The following MYO3B variants were observed in gnomAD, a reference collection of about 807,000 sequenced individuals.
MYO3B encodes the protein myosin IIIB.
MYO3B carries 156 observed loss-of-function variants against 174.6 expected under a neutral mutation model. The observed-to-expected ratio is 0.89, with a 90% CI of 0.78 to 1.02. The LOEUF is 1.02. Among genes scored for constraint, MYO3B ranks in the 50% least tolerant of loss-of-function variants. The probability of loss-of-function intolerance (pLI) is 0.00; values close to 1 mark genes in which losing one functional copy is unlikely to be tolerated. For missense variants in MYO3B, 1,632 were observed against 1,639.4 expected, an observed-to-expected ratio of 1.00 and a Z score of 0.08; for synonymous variants, 563 against 569.1, an observed-to-expected ratio of 0.99 and a Z score of 0.15.
chr2:170,524,631 G>A (rs1387333484), intron 30 of MYO3B: 17 of 335,466 alleles, frequency 5.1e-5, no homozygotes, highest in Admixed American at 1.2e-4. Flanking sequence ...TTACAGGTGC[G>A]TGCCATAACA....
chr2:170,473,488 C>T (rs2028254), intron 25 of MYO3B, among the ~76,000 whole-genome samples: 133,540 of 152,078 alleles, frequency 0.88, 59,486 homozygotes, highest in Non-Finnish European at 0.96. Context: ...ACTCACACTT[C>T]GATCCTTGCT....
At chr2:170,417,132 T>G (rs1021352392) in intron 22 of MYO3B, among the ~76,000 whole-genome samples, 12 of 152,318 alleles carry the variant, frequency 7.9e-5, no homozygotes, top group East Asian at 5.8e-4. Flanking sequence ...GTCCATCTCT[T>G]TCTTCTGACC....
chr2:170,555,282 T>A (rs573926463), intron 32 of MYO3B, among the ~76,000 whole-genome samples: 1 of 152,296 alleles, frequency 6.6e-6, no homozygotes, highest in Non-Finnish European at 1.5e-5. Flanking sequence ...TACACTATTA[T>A]TATTATTACA....
intron 6 of MYO3B, among the ~76,000 whole-genome samples, chr2:170,234,782 C>T (rs887198057): frequency 2.6e-5 from 4 of 152,170 alleles, no homozygotes; most frequent in Non-Finnish European, 1.5e-5. Context: ...CCTTAGCTCT[C>T]CTTTCTTCTA....
intron 7 of MYO3B, among the ~76,000 whole-genome samples, chr2:170,298,313 T>TG (rs1304622704): frequency 3.3e-5 from 5 of 152,144 alleles, no homozygotes; most frequent in Admixed American, 1.3e-4. Flanking sequence ...TGGTTCTAGC[T>TG]GGCAGGAAGT....
At position 170,444,054 on chromosome 2, in the gene MYO3B, A is replaced by G. The variant is rs1302376929; in HGVS notation, c.2730+8A>G. 1.2e-6 allele frequency: 2 copies of G among 1,610,656 alleles called. No homozygotes were observed. Among genetic ancestry groups the G allele is most frequent in the South Asian group, 1.1e-5 (1 of 90,784 alleles). On this transcript the variant is annotated splice_region_variant and intron_variant, in intron 23 of 34. Transcript: ENST00000408978. ...AGTGCTGGGAAAGCCAAGGTGAGTAACAGATTTGCACCAAATATAGTATGG... is the reference window on the plus strand; with the variant it reads ...AGTGCTGGGAAAGCCAAGGTGAGTAGCAGATTTGCACCAAATATAGTATGG...
At chr2:170,446,370 A>C (rs755647034) in intron 23 of MYO3B, among the ~76,000 whole-genome samples, 1 of 152,076 alleles carries the variant, frequency 6.6e-6, no homozygotes, top group African/African-American at 2.4e-5. Flanking sequence ...CTACTGGACT[A>C]AGGCATATCC....
chr2:170,550,634 AG>A (rs1690816192), intron 32 of MYO3B, among the ~76,000 whole-genome samples: 1 of 152,254 alleles, frequency 6.6e-6, no homozygotes. Context: ...CCACAGGGCC[AG>A]GAAATGAAAT....
intron 32 of MYO3B, among the ~76,000 whole-genome samples, chr2:170,626,085 C>T (rs1412144564): frequency 1.3e-5 from 2 of 152,156 alleles, no homozygotes; most frequent in African/African-American, 4.8e-5. Flanking sequence ...TGGAGCAGAG[C>T]TAAATTCATT....
At chr2:170,251,977 G>T (rs975619778) in intron 7 of MYO3B, among the ~76,000 whole-genome samples, 2 of 152,182 alleles carry the variant, frequency 1.3e-5, no homozygotes, top group African/African-American at 4.8e-5. Flanking sequence ...TTACTCCTAA[G>T]TTCAACTTTG....
chr2:170,562,429 G>A (rs907346445), intron 32 of MYO3B, among the ~76,000 whole-genome samples: 16 of 151,898 alleles, frequency 1.1e-4, no homozygotes, highest in African/African-American at 3.6e-4. Context: ...CTGAAATTTG[G>A]TAGAATTTAG....
At chr2:170,282,714 A>G in intron 7 of MYO3B, among the ~76,000 whole-genome samples, 1 of 152,130 alleles carries the variant, frequency 6.6e-6, no homozygotes. Flanking sequence ...TTTAAACAAT[A>G]TTAATGCTTC....
intron 23 of MYO3B, among the ~76,000 whole-genome samples, chr2:170,450,648 A>C (rs927040654): frequency 1.3e-5 from 2 of 152,146 alleles, no homozygotes; most frequent in Non-Finnish European, 2.9e-5. Context: ...CTTTTTCAAA[A>C]GAGAAAACTA....
intron 7 of MYO3B, among the ~76,000 whole-genome samples, chr2:170,239,072 C>A (rs1360966631): frequency 6.6e-6 from 1 of 152,208 alleles, no homozygotes; most frequent in Non-Finnish European, 1.5e-5. Context: ...CCAAAAAAGT[C>A]ACCCCTCTCT....
chr2:170,400,436 C>T (rs1470645590), intron 17 of MYO3B, 122 bp downstream of exon 17: 1 of 1,203,002 alleles, frequency 8.3e-7, no homozygotes, highest in South Asian at 1.5e-5. Flanking sequence ...GATGGAGTCT[C>T]ACTCTGTCAT....
At chr2:170,554,413 G>C (rs2106235188) in intron 32 of MYO3B, among the ~76,000 whole-genome samples, 1 of 152,330 alleles carries the variant, frequency 6.6e-6, no homozygotes, top group African/African-American at 2.4e-5. Context: ...TCAATAGCAA[G>C]ATTCTGACTC....
chr2:170,406,292 A>C (rs1235963469), intron 21 of MYO3B, among the ~76,000 whole-genome samples: 3 of 152,150 alleles, frequency 2.0e-5, no homozygotes, highest in African/African-American at 7.2e-5. Context: ...CTGAGGCTGT[A>C]GGTCCAGAAA....
At position 170,325,752 on chromosome 2, in the gene MYO3B, C is replaced by A. The variant is rs182069967; in HGVS notation, c.750-9633C>A. Among the ~76,000 whole-genome samples the A allele has an allele frequency of 3.3e-5, 5 of 152,252 alleles. No homozygotes were observed. The East Asian group carries it at 7.7e-4, about 24-fold the overall frequency. Reference sequence around the variant, plus strand: ...TCAGGGGCAAAGGCTGTGTTCCTGACTGAGGTACCTGTGGTGGTCCAGCCC... The same window carrying A: ...TCAGGGGCAAAGGCTGTGTTCCTGAATGAGGTACCTGTGGTGGTCCAGCCC... On this transcript the variant is annotated intron_variant, in intron 7 of 34. Coordinates refer to ENST00000408978, the MANE Select transcript of MYO3B (RefSeq NM_138995.5).
chr2:170,353,142 C>T (rs549970927), intron 8 of MYO3B, among the ~76,000 whole-genome samples: 2 of 152,290 alleles, frequency 1.3e-5, no homozygotes, highest in East Asian at 3.9e-4. Flanking sequence ...AGTGCCAAAA[C>T]TTGGAAATCA....
Sources: allele counts gnomAD v4.1 joint callset (sites outside exome capture counted in the v4.1 genomes callset), GRCh38; gene constraint gnomAD v4.1.1; transcripts MANE v1.5; gene names NCBI Gene and HGNC (gene_info 2026-07-23, HGNC 2026-07-21).